Variants in ALMS1 observed in about 807,000 individuals in gnomAD.
The protein encoded by ALMS1 is ALMS1 centrosome and basal body associated protein, also known as centrosome-associated protein ALMS1.
ALMS1 carries 271 observed loss-of-function variants against 352.2 expected under a neutral mutation model. That is an observed-to-expected ratio of 0.77 (90% CI 0.70 to 0.85). The LOEUF (loss-of-function observed/expected upper bound fraction) is 0.85. Among genes scored for constraint, ALMS1 ranks in the 40% least tolerant of loss-of-function variants. The probability of loss-of-function intolerance (pLI) is 0.00; values close to 1 mark genes in which losing one functional copy is unlikely to be tolerated. For missense variants in ALMS1, 5,445 were observed against 4,870.7 expected, an observed-to-expected ratio of 1.12 and a Z score of -3.51; for synonymous variants, 1,865 against 1,761.2, an observed-to-expected ratio of 1.06 and a Z score of -1.48.
Position 73,450,104 on chromosome 2 carries a change from T to A in ALMS1, c.3577T>A (p.Ser1193Thr). The A allele has an allele frequency of 6.2e-7, 1 of 1,613,836 alleles. No individual in the cohort carries two copies. Among genetic ancestry groups the A allele is most frequent in the Non-Finnish European group, 8.5e-7 (1 of 1,179,930 alleles). ...WIPRVLSTFYSQREKPGIFYQ... is the reference protein window; with the variant it reads ...WIPRVLSTFYTQREKPGIFYQ... ...ACCAAGAGTACTTTCTACCTTCTAC[T>A]CACAAAGAGAGAAACCTGGTATTTT... Residue 1193 changes from serine to threonine, a missense_variant, in exon 8 of 23, where the codon TCA (serine) becomes ACA (threonine). By Grantham distance (58) the Ser-to-Thr change is moderately conservative. Transcript: ENST00000613296.
In ALMS1 at chr2:73,452,060, A is replaced by C; in HGVS notation, c.5533A>C (p.Ile1845Leu). ...GPADQKTGINILPSNSYPQRE... is the reference protein window; with the variant it reads ...GPADQKTGINLLPSNSYPQRE... The stretch of plus-strand genomic sequence containing the variant: ...AGCTGACCAGAAGACTGGAATAAAC[A>C]TCCTGCCCTCTAATTCCTACCCACA... Residue 1845 changes from isoleucine (I) to leucine (L), a missense_variant, in exon 8 of 23, where the codon ATC (isoleucine) becomes CTC (leucine). Ile to Leu is a conservative substitution (Grantham distance 5). Coordinates refer to ENST00000613296, the MANE Select transcript of ALMS1 (RefSeq NM_001378454.1). 1 of 1,614,108 alleles carries C rather than the reference A, an allele frequency of 6.2e-7. No homozygotes were observed. Among genetic ancestry groups the C allele is most frequent in the Admixed American group, 1.7e-5 (1 of 60,010 alleles).
intron 1 of ALMS1, among the ~76,000 whole-genome samples, chr2:73,405,097 A>G (rs796882332): frequency 1.3e-5 from 2 of 151,642 alleles, no homozygotes; most frequent in African/African-American, 4.8e-5. Flanking sequence ...TATTTTTAGT[A>G]GAGACAGGAT....
At chr2:73,556,700 T>TTA (rs1674551888) in intron 13 of ALMS1, among the ~76,000 whole-genome samples, 1 of 151,724 alleles carries the variant, frequency 6.6e-6, no homozygotes, top group African/African-American at 2.4e-5. Flanking sequence ...TTTTAGAATG[T>TTA]TTTTATTTTA....
chr2:73,505,296 C>T (rs182104688), intron 10 of ALMS1, among the ~76,000 whole-genome samples: 90 of 152,334 alleles, frequency 5.9e-4, no homozygotes, highest in African/African-American at 2.1e-3. Context: ...GGAATCACCA[C>T]ACTGTCTTCC....
chr2:73,465,312 A>G (rs1455953740), intron 9 of ALMS1, among the ~76,000 whole-genome samples: 1 of 151,824 alleles, frequency 6.6e-6, no homozygotes, highest in Non-Finnish European at 1.5e-5. Context: ...GGAACAGAAC[A>G]GAGCCCTCAG....
rs755275134 is a variant in ALMS1, at chr2:73,596,469, CTT to C, written c.11548-2916_11548-2915del. ...TTCTGTTCCATTGATATGTCTGTAT[CTT>C]TTTTTTTTTTTTTTTCTTAAGACGG... On this transcript the variant is annotated intron_variant, in intron 16 of 22. Coordinates refer to ENST00000613296, the MANE Select transcript of ALMS1 (RefSeq NM_001378454.1). Among the ~76,000 whole-genome samples, 14 of 139,652 alleles carry C rather than the reference CTT, an allele frequency of 1.0e-4. 1 individual carries two copies. Among genetic ancestry groups the C allele is most frequent in the African/African-American group, 3.1e-4 (12 of 38,380 alleles). The allele number at this position is 139,652 out of a possible 152,430, so 91.6% of individuals were successfully genotyped here.
At chr2:73,425,004 T>C (rs1671353484) in intron 5 of ALMS1, 102 bp downstream of exon 5, 3 of 1,015,770 alleles carry the variant, frequency 3.0e-6, no homozygotes, top group Middle Eastern at 6.6e-4. Context: ...CTATGTGCCA[T>C]GGAACAAAGA....
chr2:73,594,731 A>G (rs1675509389), intron 16 of ALMS1, among the ~76,000 whole-genome samples: 1 of 152,170 alleles, frequency 6.6e-6, no homozygotes, highest in East Asian at 1.9e-4. Context: ...CTGCTCTCTG[A>G]AGGCACAGGA....
Position 73,450,289 on chromosome 2 carries a change from A to G in ALMS1, c.3762A>G (p.Pro1254=), listed in dbSNP as rs771791019. Residue 1254 remains proline (P), a synonymous_variant, in exon 8 of 23, where the codon CCA becomes CCG. Transcript: ENST00000613296. ...KPGIFYQQVL[P]DNHPTEEALK... ...GTATTTTCTACCAACAGGTCTTGCC[A>G]GATAATCATCCAACTGAAGAGGCTC... 18 of 1,613,858 alleles carry G rather than the reference A, an allele frequency of 1.1e-5. No homozygotes were observed. Among genetic ancestry groups the G allele is most frequent in the Non-Finnish European group, 1.4e-5 (16 of 1,179,982 alleles).
intron 12 of ALMS1, among the ~76,000 whole-genome samples, chr2:73,544,749 G>T (rs1170541663): frequency 6.6e-6 from 1 of 152,148 alleles, no homozygotes; most frequent in Non-Finnish European, 1.5e-5. Flanking sequence ...AGAGCTATTT[G>T]TACACCCATG....
chr2:73,444,047 T>C (rs1671764849), intron 7 of ALMS1, among the ~76,000 whole-genome samples: 1 of 152,210 alleles, frequency 6.6e-6, no homozygotes, highest in South Asian at 2.1e-4. Flanking sequence ...CCATAATTTT[T>C]ATTGACGCCC....
chr2:73,504,007 T>C (rs994465480), intron 10 of ALMS1, among the ~76,000 whole-genome samples: 1 of 152,212 alleles, frequency 6.6e-6, no homozygotes, highest in Non-Finnish European at 1.5e-5. Flanking sequence ...ATCTTCCTTA[T>C]TTTATTCAGT....
At position 73,490,059 on chromosome 2, in the gene ALMS1, A is replaced by G. The variant is rs1192557021; in HGVS notation, c.8100A>G (p.Ser2700=). The change falls in exon 10 of 23, where the codon TCA becomes TCG. Residue 2700 remains serine, a synonymous_variant. Transcript: ENST00000613296. ...AAGAAGTGGATTTTCATTCTTCATC[A>G]CAAATGCCGTCCCCAGAACCCATGA... The part of the protein sequence containing the change: ...PPKEVDFHSS[S]QMPSPEPMKK... 1 of 1,614,188 alleles carries G rather than the reference A, an allele frequency of 6.2e-7. No individual in the cohort carries two copies. Among genetic ancestry groups the G allele is most frequent in the Non-Finnish European group, 8.5e-7 (1 of 1,180,034 alleles).
chr2:73,477,484 G>A (rs182610723), intron 9 of ALMS1, among the ~76,000 whole-genome samples: 6 of 150,960 alleles, frequency 4.0e-5, no homozygotes, highest in Admixed American at 2.0e-4. Context: ...TGATCTGCTT[G>A]TCAATTACTG....
At chr2:73,399,856 T>C (rs1311644382) in intron 1 of ALMS1, among the ~76,000 whole-genome samples, 1 of 152,058 alleles carries the variant, frequency 6.6e-6, no homozygotes, top group Non-Finnish European at 1.5e-5. Flanking sequence ...GAAGAGGTTG[T>C]CAAATGTTTT....
At chr2:73,547,256 G>T (rs1674341983) in intron 12 of ALMS1, among the ~76,000 whole-genome samples, 1 of 152,102 alleles carries the variant, frequency 6.6e-6, no homozygotes, top group South Asian at 2.1e-4. Flanking sequence ...ACCTATGATG[G>T]ACTTACCAGG....
At chr2:73,560,962 A>G (rs923481719) in intron 15 of ALMS1, among the ~76,000 whole-genome samples, 3 of 152,238 alleles carry the variant, frequency 2.0e-5, no homozygotes, top group Non-Finnish European at 4.4e-5. Context: ...CAGAACAAAG[A>G]CAGCACTTGA....
At chr2:73,430,576 G>A (rs7571147) in intron 6 of ALMS1, among the ~76,000 whole-genome samples, 12,178 of 152,182 alleles carry the variant, frequency 0.08, 1,233 homozygotes, top group African/African-American at 0.23. Flanking sequence ...ATTTCAGTTA[G>A]TGACAGACTG....
rs748420586 is a variant in ALMS1 at position 73,451,743 on chromosome 2, C to T, written c.5216C>T (p.Ser1739Leu). The T allele has an allele frequency of 4.3e-6, 7 of 1,613,974 alleles. No individual in the cohort carries two copies. The highest frequency in any genetic ancestry group is 3.3e-5 in the Admixed American group (2 of 59,982). The change falls in exon 8 of 23, where the codon TCA becomes TTA. Residue 1739 changes from serine (S) to leucine (L), a missense_variant. Transcript: ENST00000613296. ...CTAACTCAAGAAGCTCTGAAAGTTT[C>T]AGCTGTTCCTCAACCAGCTGACCAG... ...SELTQEALKV[S>L]AVPQPADQKT...
Sources: gnomAD v4.1 joint callset for allele counts (sites outside exome capture counted in the v4.1 genomes callset) on GRCh38, gnomAD v4.1.1 for gene constraint, MANE v1.5 for transcripts, NCBI Gene and HGNC (gene_info 2026-07-23, HGNC 2026-07-21) for gene names.